The following ATP2C2 variants were observed in gnomAD, a reference collection of about 807,000 sequenced individuals.
ATP2C2 encodes the protein ATPase secretory pathway Ca2+ transporting 2, also known as calcium-transporting ATPase type 2C member 2.
In ATP2C2, 171 loss-of-function variants were observed where a neutral mutation model predicts 110.8. That is an observed-to-expected ratio of 1.54 (90% confidence interval 1.36 to 1.75). The LOEUF (loss-of-function observed/expected upper bound fraction) is 1.75, where lower values mean the gene tolerates loss of function less well. Ranked by LOEUF, ATP2C2 falls within the 40% of genes most tolerant of loss-of-function variation. The pLI, the probability that ATP2C2 is intolerant of heterozygous loss-of-function variation, is 0.00. For synonymous variants in ATP2C2, 804 were observed against 508.4 expected (o/e 1.58, Z -7.82); for missense variants, 1,963 against 1,235.0 (o/e 1.59, Z -8.84).
chr16:84,387,505 C>A (rs1032074716), intron 1 of ATP2C2, among the ~76,000 whole-genome samples: 2 of 152,172 alleles, frequency 1.3e-5, no homozygotes, highest in African/African-American at 2.4e-5. Context: ...GAGTGAGACT[C>A]TGTCTCAAAA....
chr16:84,421,086 G>A lies in ATP2C2; in HGVS notation c.625-1304G>A, dbSNP rs559678513. On this transcript the variant is annotated intron_variant, in intron 7 of 26. Coordinates refer to ENST00000262429, the MANE Select transcript of ATP2C2 (RefSeq NM_014861.4). ...CTCCCAAAGTGCTGGGATTACAGGTGTTAGCCACCATGCCCGGCCGTCCTT... is the reference window on the plus strand; with the variant it reads ...CTCCCAAAGTGCTGGGATTACAGGTATTAGCCACCATGCCCGGCCGTCCTT... 8.5e-5 allele frequency among the ~76,000 whole-genome samples: 13 copies of A among 152,348 alleles called. No homozygotes were observed. The South Asian group carries it at 1.7e-3, about 19-fold the overall frequency.
At chr16:84,461,023 A>C in intron 24 of ATP2C2, 1 of 586,064 alleles carries the variant, frequency 1.7e-6, no homozygotes, top group Non-Finnish European at 2.8e-6. Flanking sequence ...GGAACTACAG[A>C]GGCCAGCGGG....
At position 84,422,407 on chromosome 16, in the gene ATP2C2, G is replaced by A. The variant is rs1907421452; in HGVS notation, c.642G>A (p.Val214=). 1 of 1,613,944 alleles carries A rather than the reference G, an allele frequency of 6.2e-7. No individual in the cohort carries two copies. The highest frequency in any genetic ancestry group is 1.7e-5 in the Admixed American group (1 of 59,990). Residue 214 remains valine, a synonymous_variant, in exon 8 of 27, where the codon GTG becomes GTA. Coordinates refer to ENST00000262429, the MANE Select transcript of ATP2C2 (RefSeq NM_014861.4). Reference sequence around the variant, plus strand: ...TCTCCTAGGTCACGGACCTCTTGGTGGATGAATCCAGTTTCACCGGGGAAG... The same window carrying A: ...TCTCCTAGGTCACGGACCTCTTGGTAGATGAATCCAGTTTCACCGGGGAAG... ...IRLTEVTDLL[V]DESSFTGEAE...
In ATP2C2 at chr16:84,422,676, T is replaced by C. The variant is rs753077109; in HGVS notation, c.822T>C (p.Phe274=). The C allele has an allele frequency of 1.2e-6, 2 of 1,613,284 alleles. No individual in the cohort carries two copies. The highest frequency in any genetic ancestry group is 1.7e-4 in the Middle Eastern group (1 of 6,058). The part of the protein sequence containing the change: ...TGESSQFGEV[F]KMMQAEETPK... Reference sequence around the variant, plus strand: ...AAAGCTCTCAGTTCGGAGAAGTGTTTAAGATGATGCAGGCTGAAGAGGTAA... The same window carrying C: ...AAAGCTCTCAGTTCGGAGAAGTGTTCAAGATGATGCAGGCTGAAGAGGTAA... The change falls in exon 9 of 27, where the codon TTT becomes TTC. Residue 274 remains phenylalanine, a synonymous_variant. Transcript: ENST00000262429.
Position 84,401,710 on chromosome 16 carries a change from C to T in ATP2C2, c.210+3101C>T, listed in dbSNP as rs180822037. Among the ~76,000 whole-genome samples, 451 of 152,154 alleles carry T rather than the reference C, an allele frequency of 3.0e-3. 2 individuals are homozygous for T. The highest frequency in any genetic ancestry group is 2.9e-3 in the Non-Finnish European group (195 of 68,012). ...CTCTGTGTCTGTTTTTATGACAGTA[C>T]CATGCTGTTTTGGTTACTAAAGCTC... On this transcript the variant is annotated intron_variant, in intron 2 of 26. Transcript: ENST00000262429.
chr16:84,449,310 G>T (rs188938179), intron 17 of ATP2C2, among the ~76,000 whole-genome samples: 17 of 152,374 alleles, frequency 1.1e-4, no homozygotes, highest in African/African-American at 4.1e-4. Context: ...GCTCAGAGGT[G>T]TACGGGGCGA....
chr16:84,406,114 G>A (rs1432021615), intron 3 of ATP2C2, among the ~76,000 whole-genome samples: 1 of 152,234 alleles, frequency 6.6e-6, no homozygotes, highest in Admixed American at 6.5e-5. Flanking sequence ...GCAGTGCAGA[G>A]CAGTGCAGCC....
chr16:84,442,638 G>A (rs746291752), intron 15 of ATP2C2, 39 bp downstream of exon 15: 42 of 1,585,642 alleles, frequency 2.6e-5, no homozygotes, highest in Non-Finnish European at 3.4e-5. Context: ...GAATTCTTTC[G>A]CTCGGGGCTG....
chr16:84,442,239 A>G (rs917602662), intron 14 of ATP2C2, among the ~76,000 whole-genome samples: 13 of 152,022 alleles, frequency 8.6e-5, no homozygotes, highest in Non-Finnish European at 1.6e-4. Flanking sequence ...CATCATCCCC[A>G]TTATCGGTCG....
At chr16:84,452,116 A>T (rs1447662395) in intron 18 of ATP2C2, 25 bp downstream of exon 18, 1 of 1,612,850 alleles carries the variant, frequency 6.2e-7, no homozygotes, top group Non-Finnish European at 8.5e-7. Context: ...GTCGGGGGTG[A>T]GGACGAAAGG....
chr16:84,424,884 G>T (rs991864625), intron 10 of ATP2C2, among the ~76,000 whole-genome samples: 2 of 152,134 alleles, frequency 1.3e-5, no homozygotes, highest in African/African-American at 4.8e-5. Flanking sequence ...AATGCCACAA[G>T]GGTGGAGTGA....
chr16:84,463,236 T>G (rs72806660), intron 26 of ATP2C2, among the ~76,000 whole-genome samples: 6 of 95,022 alleles, frequency 6.3e-5, no homozygotes, highest in Non-Finnish European at 1.5e-4. Flanking sequence ...CCAGGGAACA[T>G]GTCGGGGTGC....
intron 2 of ATP2C2, among the ~76,000 whole-genome samples, chr16:84,404,082 A>C (rs1905538641): frequency 6.6e-6 from 1 of 152,210 alleles, no homozygotes. Context: ...CAATGCTGCT[A>C]TGAACATGGT....
Position 84,377,281 on chromosome 16 carries a change from C to T in ATP2C2, c.99+8567C>T, listed in dbSNP as rs1162021365. 2.6e-5 allele frequency among the ~76,000 whole-genome samples: 4 copies of T among 152,160 alleles called. No homozygotes were observed. The East Asian group carries it at 7.7e-4, about 29-fold the overall frequency. ...GTGGAAATCATATGGTAAGCGGGAG[C>T]TGGTGGGAGCTTTCAATCCAATCAC... On this transcript the variant is annotated intron_variant, in intron 1 of 26. Transcript: ENST00000262429.
At chr16:84,370,352 G>A (rs1408181801) in intron 1 of ATP2C2, among the ~76,000 whole-genome samples, 2 of 152,216 alleles carry the variant, frequency 1.3e-5, no homozygotes, top group South Asian at 2.1e-4. Flanking sequence ...AGTGTGCAGC[G>A]CCAGGAGGCG....
chr16:84,430,337 G>A (rs972696710), intron 11 of ATP2C2, among the ~76,000 whole-genome samples: 2 of 152,168 alleles, frequency 1.3e-5, no homozygotes, highest in Non-Finnish European at 2.9e-5. Flanking sequence ...GCCTGCAGGT[G>A]GACAGAGTAA....
rs1280522122 is a variant in ATP2C2, at chr16:84,393,753, TG to T, written c.100-4741del. 2.6e-4 allele frequency among the ~76,000 whole-genome samples: 11 copies of T among 41,684 alleles called. No individual in the cohort carries two copies. In the Admixed American group the frequency reaches 3.1e-3, roughly 12 times the overall value. The allele number at this position is 41,684 out of a possible 152,430, so 27.3% of individuals were successfully genotyped here. ...TGGGAGGCTATGGGTGTGGGGGGAG[TG>T]GGGGTGGAGGGGGCTGTGACCGACA... On this transcript the variant is annotated intron_variant, in intron 1 of 26. Coordinates refer to ENST00000262429, the MANE Select transcript of ATP2C2 (RefSeq NM_014861.4).
chr16:84,448,814 G>A (rs919463136), intron 17 of ATP2C2, 125 bp downstream of exon 17: 45 of 1,303,030 alleles, frequency 3.5e-5, no homozygotes, highest in Non-Finnish European at 3.6e-5. Flanking sequence ...GCATGCTGAC[G>A]GCAATAATGT....
intron 11 of ATP2C2, among the ~76,000 whole-genome samples, chr16:84,437,747 C>G (rs997358160): frequency 2.0e-5 from 3 of 152,214 alleles, no homozygotes; most frequent in Non-Finnish European, 4.4e-5. Flanking sequence ...AACTCCTGAC[C>G]TCAGGTGATC....
Sources: allele counts gnomAD v4.1 joint callset (sites outside exome capture counted in the v4.1 genomes callset), GRCh38; gene constraint gnomAD v4.1.1; transcripts MANE v1.5; gene names NCBI Gene and HGNC (gene_info 2026-07-23, HGNC 2026-07-21).